Variants in RACGAP1 observed in about 807,000 individuals in gnomAD.
RACGAP1 encodes Rac GTPase activating protein 1.
In RACGAP1, 30 loss-of-function variants were observed where a neutral mutation model predicts 78.1. The observed-to-expected ratio is 0.38, with a 90% CI of 0.29 to 0.52. The LOEUF (loss-of-function observed/expected upper bound fraction) is 0.52. Ranked by LOEUF, RACGAP1 falls within the 20% of genes least tolerant of loss-of-function variation. The pLI is 0.82. For missense variants in RACGAP1, 587 were observed against 777.1 expected (o/e 0.76, Z 2.91); for synonymous variants, 231 against 264.8 (o/e 0.87, Z 1.24).
intron 3 of RACGAP1, 29 bp from the exon 4 acceptor site, chr12:50,005,421 T>C: frequency 6.2e-7 from 1 of 1,612,090 alleles, no homozygotes; most frequent in Non-Finnish European, 8.5e-7. Context: ...TAAAACATCA[T>C]AACTAGCCAG....
chr12:49,994,742 C>T (rs373814329), intron 10 of RACGAP1, among the ~76,000 whole-genome samples: 4 of 152,164 alleles, frequency 2.6e-5, no homozygotes, highest in Admixed American at 2.6e-4. Context: ...TTCATATATA[C>T]ACCACACTGT....
chr12:50,030,814 C>G (rs1317663669), intron 2 of RACGAP1, among the ~76,000 whole-genome samples: 1 of 151,844 alleles, frequency 6.6e-6, no homozygotes. Flanking sequence ...GAGTTTTGCT[C>G]TTTCACCCAG....
Position 50,015,167 on chromosome 12 carries a change from A to T in RACGAP1, c.85+1464T>A, listed in dbSNP as rs117538522. Among the ~76,000 whole-genome samples the T allele has an allele frequency of 1.8e-3, 281 of 152,020 alleles. 7 individuals are homozygous for T. In the East Asian group the frequency reaches 0.053, roughly 29 times the overall value. On this transcript the variant is annotated intron_variant, in intron 2 of 16. Transcript: ENST00000312377. ...AGTGCTAAGATTACAAGCATGAGCCACTATGCCCGACCGCTAATATTTTCA... is the reference window on the plus strand; with the variant it reads ...AGTGCTAAGATTACAAGCATGAGCCTCTATGCCCGACCGCTAATATTTTCA...
Position 50,002,059 on chromosome 12 carries a change from G to A in RACGAP1, c.549+188C>T, listed in dbSNP as rs1310730865. 3.0e-5 allele frequency among the ~76,000 whole-genome samples: 4 copies of A among 132,134 alleles called. 1 individual carries two copies. Among genetic ancestry groups the A allele is most frequent in the Non-Finnish European group, 6.2e-5 (4 of 64,136 alleles). 86.7% of individuals were successfully genotyped at this position (132,134 alleles called of 152,430 possible). A position where few individuals can be genotyped will look rare whatever the true frequency, so the allele number is the denominator to read the frequency against. On this transcript the variant is annotated intron_variant, in intron 6 of 16. Coordinates refer to ENST00000312377, the MANE Select transcript of RACGAP1 (RefSeq NM_001319999.2). ...CAGCCTGGGAAATGAGCAAAACTCC[G>A]TCTCAAAAAAAAGAAAAAAAAAAAA...
chr12:49,995,458 T>A (rs1034992217), intron 10 of RACGAP1, among the ~76,000 whole-genome samples: 4 of 152,120 alleles, frequency 2.6e-5, no homozygotes, highest in African/African-American at 9.7e-5. Context: ...GGTAGGAAGA[T>A]AGTCATTTTG....
chr12:50,025,502 A>T, upstream of RACGAP1: 1 of 985,484 alleles, frequency 1.0e-6, no homozygotes, highest in Non-Finnish European at 1.2e-6. Context: ...AACCTTCACC[A>T]ACCAATCACA....
intron 12 of RACGAP1, 82 bp downstream of exon 12, chr12:49,994,049 A>G: frequency 7.5e-7 from 1 of 1,335,744 alleles, no homozygotes; most frequent in Non-Finnish European, 1.0e-6. Context: ...CTAAAAAATA[A>G]AAAATAAATA....
intron 2 of RACGAP1, 73 bp from the exon 3 acceptor site, chr12:50,006,709 G>C (rs1413542191): frequency 1.4e-6 from 2 of 1,419,830 alleles, no homozygotes; most frequent in Non-Finnish European, 1.9e-6. Flanking sequence ...TGAGTCCTAC[G>C]GTTAGCTTTA....
At position 49,999,648 on chromosome 12, in the gene RACGAP1, A is replaced by C. The variant is rs949266571; in HGVS notation, c.716T>G (p.Val239Gly). The change falls in exon 8 of 17, where the codon GTG (valine) becomes GGG (glycine). Residue 239 changes from valine (V) to glycine (G), a missense_variant. Physicochemically the swap from Val to Gly is moderately radical, Grantham distance 109. Coordinates refer to ENST00000312377, the MANE Select transcript of RACGAP1 (RefSeq NM_001319999.2). ...PIEAVSTIET[V>G]PYWTRSRRKT... ...CCTTCGGCTCCTGGTCCAATATGGC[A>C]CAGTCTCAATAGTGGACACAGCTTC... 4 of 1,614,190 alleles carry C rather than the reference A, an allele frequency of 2.5e-6. No individual in the cohort carries two copies. The African/African-American group carries it at 5.3e-5, about 22-fold the overall frequency.
intron 4 of RACGAP1, 105 bp from the exon 5 acceptor site, chr12:50,004,409 C>A: frequency 7.0e-7 from 1 of 1,433,486 alleles, no homozygotes; most frequent in Non-Finnish European, 9.3e-7. Flanking sequence ...CAGTTAATTT[C>A]ATAGCAAAAT....
At chr12:50,008,939 A>G (rs1729121430) in intron 2 of RACGAP1, among the ~76,000 whole-genome samples, 1 of 152,190 alleles carries the variant, frequency 6.6e-6, no homozygotes, top group African/African-American at 2.4e-5. Flanking sequence ...GTGAATCACA[A>G]TTCAGCTTGG....
At chr12:49,993,408 G>C (rs539633780) in intron 12 of RACGAP1, among the ~76,000 whole-genome samples, 2 of 152,224 alleles carry the variant, frequency 1.3e-5, no homozygotes, top group East Asian at 3.9e-4. Flanking sequence ...GGATAGGCAA[G>C]GGTGACACGC....
At chr12:50,006,291 A>G in intron 3 of RACGAP1, 143 bp downstream of exon 3, 2 of 836,444 alleles carry the variant, frequency 2.4e-6, no homozygotes, top group Non-Finnish European at 3.8e-6. Flanking sequence ...AGCTCTAATC[A>G]TGGGCAAGCT....
chr12:50,017,410 G>T (rs992296200), intron 1 of RACGAP1, among the ~76,000 whole-genome samples: 3 of 152,196 alleles, frequency 2.0e-5, no homozygotes, highest in Non-Finnish European at 4.4e-5. Context: ...TTCACAGTTC[G>T]AAGGGCAAAG....
chr12:50,011,837 C>A (rs1387458491), intron 2 of RACGAP1, among the ~76,000 whole-genome samples: 1 of 151,496 alleles, frequency 6.6e-6, no homozygotes, highest in African/African-American at 2.4e-5. Context: ...GCCTATAGTC[C>A]CAGCTACTTG....
rs760867809 is a variant in RACGAP1 at position 49,999,241 on chromosome 12, G to A, written c.779C>T (p.Thr260Ile). The change falls in exon 9 of 17, where the codon ACC (threonine) becomes ATC (isoleucine). Residue 260 changes from threonine (T) to isoleucine (I), a missense_variant. By Grantham distance (89) the Thr-to-Ile change is moderately conservative. Transcript: ENST00000312377. Reference protein sequence around the residue: ...GTLQPWNSDSTLNSRQLEPRT... With the variant: ...GTLQPWNSDSILNSRQLEPRT... ...TGGCTCCAGCTGCCTGCTGTTCAGG[G>A]TGGAGTCACTGTTCCAAGGTTGTAA... is the stretch of plus-strand genomic sequence containing the variant. 1 of 1,613,982 alleles carries A rather than the reference G, an allele frequency of 6.2e-7. No homozygotes were observed.
At chr12:50,000,000 C>T (rs1245466718) in intron 7 of RACGAP1, among the ~76,000 whole-genome samples, 3 of 126,956 alleles carry the variant, frequency 2.4e-5, no homozygotes, top group Non-Finnish European at 3.3e-5. Context: ...TACAAGCATG[C>T]GCCACCACAC....
chr12:50,001,349 G>A, intron 6 of RACGAP1, 97 bp from the exon 7 acceptor site: 1 of 906,098 alleles, frequency 1.1e-6, no homozygotes, highest in African/African-American at 1.6e-5. Flanking sequence ...ACAGGTCCTG[G>A]GGATTAGGGC....
In RACGAP1 at chr12:49,997,146, G is replaced by A. The variant is rs779621966; in HGVS notation, c.938C>T (p.Ser313Phe). The change falls in exon 10 of 17, where the codon TCT becomes TTT. Residue 313 changes from serine (S) to phenylalanine (F), a missense_variant. Ser to Phe is a radical substitution (Grantham distance 155). Coordinates refer to ENST00000312377, the MANE Select transcript of RACGAP1 (RefSeq NM_001319999.2). ...CACACGACAGTCTCGACACTTCAGA[G>A]ATAATTTGCCAAATTTTATCCGCTT... ...CGKRIKFGKLSLKCRDCRVVS... is the reference protein window; with the variant it reads ...CGKRIKFGKLFLKCRDCRVVS... The A allele has an allele frequency of 6.2e-7, 1 of 1,609,878 alleles. No homozygotes were observed. Among genetic ancestry groups the A allele is most frequent in the Non-Finnish European group, 8.5e-7 (1 of 1,176,890 alleles).
Sources: allele counts gnomAD v4.1 joint callset (sites outside exome capture counted in the v4.1 genomes callset), GRCh38; gene constraint gnomAD v4.1.1; transcripts MANE v1.5; gene names NCBI Gene and HGNC (gene_info 2026-07-23, HGNC 2026-07-21).